The following NCKAP5 variants were observed in gnomAD, a reference collection of about 807,000 sequenced individuals.
NCKAP5 encodes the protein NCK associated protein 5, also known as nck-associated protein 5.
In NCKAP5, 92 loss-of-function variants were observed where a neutral mutation model predicts 167.0. That is an observed-to-expected ratio of 0.55 (90% CI 0.47 to 0.66). The LOEUF (loss-of-function observed/expected upper bound fraction) is 0.66, where lower values mean the gene tolerates loss of function less well. Ranked by LOEUF, NCKAP5 falls within the 30% of genes least tolerant of loss-of-function variation. NCKAP5 has a pLI of 0.00. For synonymous variants in NCKAP5, 891 were observed against 877.4 expected (o/e 1.02, Z -0.27); for missense variants, 2,378 against 2,315.0 (o/e 1.03, Z -0.56).
At chr2:133,181,603 CAAAAAAAAAAAAA>C (rs34264277) in intron 5 of NCKAP5, among the ~76,000 whole-genome samples, 1 of 71,158 alleles carries the variant, frequency 1.4e-5, no homozygotes, top group Non-Finnish European at 2.6e-5. Context: ...CCCATCTCTA[CAAAAAAAAAAAAA>C]AAAAAAAAAA....
intron 4 of NCKAP5, among the ~76,000 whole-genome samples, chr2:133,276,581 CCACAAAAACAT>C (rs1388991722): frequency 6.6e-6 from 1 of 151,780 alleles, no homozygotes; most frequent in Admixed American, 6.6e-5. Flanking sequence ...AAATACCACC[CCACAAAAACAT>C]CTCTAGGCCC....
intron 19 of NCKAP5, among the ~76,000 whole-genome samples, chr2:132,680,910 G>A (rs1186011835): frequency 6.6e-6 from 1 of 152,098 alleles, no homozygotes; most frequent in Non-Finnish European, 1.5e-5. Context: ...TGGATTTTCT[G>A]TTTTCCAGGG....
At chr2:133,186,189 T>G (rs2150055902) in intron 5 of NCKAP5, among the ~76,000 whole-genome samples, 1 of 152,126 alleles carries the variant, frequency 6.6e-6, no homozygotes, top group Non-Finnish European at 1.5e-5. Flanking sequence ...GGATTTTGTT[T>G]AAGGCTTTTT....
chr2:133,083,315 C>A (rs75264466), intron 6 of NCKAP5, among the ~76,000 whole-genome samples: 2,466 of 152,188 alleles, frequency 0.016, 68 homozygotes, highest in African/African-American at 0.057. Flanking sequence ...ACACAGCTTC[C>A]TTGAAGGTTT....
At chr2:132,954,108 C>A (rs1259222853) in intron 8 of NCKAP5, among the ~76,000 whole-genome samples, 1 of 152,178 alleles carries the variant, frequency 6.6e-6, no homozygotes, top group African/African-American at 2.4e-5. Flanking sequence ...ATATAGCCAT[C>A]CTTCCTTTTA....
At chr2:132,687,386 G>A (rs1182843083) in intron 19 of NCKAP5, among the ~76,000 whole-genome samples, 1 of 152,178 alleles carries the variant, frequency 6.6e-6, no homozygotes, top group Non-Finnish European at 1.5e-5. Flanking sequence ...GGTGAAAGAG[G>A]GGAAAATTAT....
chr2:132,728,799 C>T lies in NCKAP5; in HGVS notation c.5580+17G>A. 1.9e-6 allele frequency: 3 copies of T among 1,612,938 alleles called. No individual in the cohort carries two copies. Among genetic ancestry groups the T allele is most frequent in the Non-Finnish European group, 2.5e-6 (3 of 1,179,586 alleles). On this transcript the variant is annotated intron_variant, in intron 18 of 19. Coordinates refer to ENST00000409261, the MANE Select transcript of NCKAP5 (RefSeq NM_207363.3). ...CCAACAGGTGGATTGCACCCTTCAC[C>T]TCCCCCGACCCCTCACCTGGGTCCC...
At chr2:132,949,327 C>T (rs544966065) in intron 8 of NCKAP5, among the ~76,000 whole-genome samples, 3 of 152,176 alleles carry the variant, frequency 2.0e-5, no homozygotes, top group Non-Finnish European at 2.9e-5. Flanking sequence ...ACAACTCACT[C>T]GTGAGCAAAT....
In NCKAP5 at chr2:133,081,182, C is replaced by CA. The variant is rs199688197; in HGVS notation, c.341+48795dup. On this transcript the variant is annotated intron_variant, in intron 6 of 19. Transcript: ENST00000409261. ...CCCTAAAATACATTTTTTACTTAAG[C>CA]AAAAAAAAACTCTCATAAAGCAAAT... Among the ~76,000 whole-genome samples, 121 of 150,752 alleles carry CA rather than the reference C, an allele frequency of 8.0e-4. 1 individual carries two copies. The highest frequency in any genetic ancestry group is 1.1e-3 in the Non-Finnish European group (74 of 67,612).
chr2:133,520,184 A>C (rs1198208034), intron 2 of NCKAP5, among the ~76,000 whole-genome samples: 1 of 152,124 alleles, frequency 6.6e-6, no homozygotes, highest in African/African-American at 2.4e-5. Context: ...ACAGAGCGAG[A>C]CTCCATCTCA....
At chr2:133,008,649 T>G (rs1182944279) in intron 6 of NCKAP5, among the ~76,000 whole-genome samples, 1 of 152,172 alleles carries the variant, frequency 6.6e-6, no homozygotes, top group Non-Finnish European at 1.5e-5. Flanking sequence ...ATACGCAACT[T>G]AAGACACCTC....
upstream of NCKAP5, among the ~76,000 whole-genome samples, chr2:133,568,753 A>C (rs1276118451): frequency 3.3e-5 from 5 of 152,194 alleles, no homozygotes; most frequent in Non-Finnish European, 7.3e-5. Flanking sequence ...GAAAAGTTTG[A>C]AGTGCCAGCA....
At chr2:132,840,275 C>A in intron 11 of NCKAP5, among the ~76,000 whole-genome samples, 1 of 120,610 alleles carries the variant, frequency 8.3e-6, no homozygotes. Flanking sequence ...CATTGCACAG[C>A]ATTTTTTTTT....
intron 8 of NCKAP5, among the ~76,000 whole-genome samples, chr2:132,949,077 C>T (rs1282012508): frequency 1.3e-5 from 1 of 77,194 alleles, no homozygotes; most frequent in Non-Finnish European, 2.3e-5. Context: ...AGGACAAGAC[C>T]CACCCCCCAC....
Position 133,217,809 on chromosome 2 carries a change from T to C in NCKAP5, c.144-4030A>G, listed in dbSNP as rs571845031. On this transcript the variant is annotated intron_variant, in intron 4 of 19. Transcript: ENST00000409261. ...ATAATATTACCATCTTGCATTTACA[T>C]AGTACATAACGCAGGTACACTGCAC... Among the ~76,000 whole-genome samples the C allele has an allele frequency of 2.6e-5, 4 of 152,262 alleles. No homozygotes were observed. The East Asian group carries it at 7.7e-4, about 29-fold the overall frequency.
chr2:133,515,229 G>C (rs1575089240), intron 3 of NCKAP5, among the ~76,000 whole-genome samples: 1 of 152,158 alleles, frequency 6.6e-6, no homozygotes, highest in East Asian at 1.9e-4. Context: ...AACTCAAAAA[G>C]AATACTCTAG....
chr2:133,211,076 C>T (rs2086194346), intron 5 of NCKAP5, among the ~76,000 whole-genome samples: 2 of 151,444 alleles, frequency 1.3e-5, no homozygotes, highest in Non-Finnish European at 2.9e-5. Context: ...CAGCCCTGCC[C>T]GCATGCAGTC....
At chr2:133,588,505 T>C in the NCKAP5 span, among the ~76,000 whole-genome samples, 1 of 146,478 alleles carries the variant, frequency 6.8e-6, no homozygotes, top group Non-Finnish European at 1.5e-5. Context: ...CTTCCTACCT[T>C]CCCTCCTCCC....
At chr2:133,650,018 A>T in the NCKAP5 span, among the ~76,000 whole-genome samples, 2 of 152,222 alleles carry the variant, frequency 1.3e-5, no homozygotes, top group Non-Finnish European at 2.9e-5. Context: ...GAATTTAGTA[A>T]AGTTATAAGA....
Sources: gnomAD v4.1 joint callset for allele counts (sites outside exome capture counted in the v4.1 genomes callset) on GRCh38, gnomAD v4.1.1 for gene constraint, MANE v1.5 for transcripts, NCBI Gene and HGNC (gene_info 2026-07-23, HGNC 2026-07-21) for gene names.